The following NEBL variants were observed in gnomAD, a reference collection of about 807,000 sequenced individuals.
NEBL encodes nebulette.
NEBL carries 122 observed loss-of-function variants against 140.2 expected under a neutral mutation model. The ratio of observed to expected loss-of-function variants is 0.87; its 90% CI spans 0.75 to 1.01. NEBL has a LOEUF of 1.01. Among genes scored for constraint, NEBL ranks in the 50% least tolerant of loss-of-function variants. The pLI is 0.00. For synonymous variants in NEBL, 436 were observed against 398.9 expected (o/e 1.09, Z -1.11); for missense variants, 1,365 against 1,231.3 (o/e 1.11, Z -1.62).
chr10:21,106,654 A>G (rs941348187), intron 2 of NEBL, among the ~76,000 whole-genome samples: 3 of 152,070 alleles, frequency 2.0e-5, no homozygotes, highest in Non-Finnish European at 2.9e-5. Context: ...GCTTAGGATT[A>G]TCTTGGCTAT....
At chr10:20,835,704 T>C in intron 13 of NEBL, 81 bp from the exon 14 acceptor site, 5 of 942,272 alleles carry the variant, frequency 5.3e-6, no homozygotes, top group Admixed American at 3.4e-5. Context: ...AAAAAAAAAA[T>C]AGTTAGACAT....
Position 20,815,812 on chromosome 10 carries a change from AG to A in NEBL, c.2149-96del. On this transcript the variant is annotated intron_variant, in intron 21 of 27. Coordinates refer to ENST00000377122, the MANE Select transcript of NEBL (RefSeq NM_006393.3). ...AAGACAGGGTCTTGCTCTGTCACCC[AG>A]GCTGAAGTGCAGTGGTACAATCTTT... 3.4e-6 allele frequency: 3 copies of A among 888,978 alleles called. No homozygotes were observed. In the South Asian group the frequency reaches 4.1e-5, roughly 12 times the overall value. 55.1% of individuals were successfully genotyped at this position (888,978 alleles called of 1,614,324 possible).
At chr10:20,964,850 TTCC>T (rs1333461609) in intron 3 of NEBL, among the ~76,000 whole-genome samples, 1 of 152,164 alleles carries the variant, frequency 6.6e-6, no homozygotes, top group Non-Finnish European at 1.5e-5. Context: ...AATTTAACTC[TTCC>T]AAAAGCCAGA....
chr10:21,137,013 A>T (rs1340198893), intron 2 of NEBL, among the ~76,000 whole-genome samples: 1 of 152,152 alleles, frequency 6.6e-6, no homozygotes, highest in East Asian at 1.9e-4. Flanking sequence ...GCATTTTCTT[A>T]ATTTGGCAAG....
chr10:20,805,973 TA>T (rs1837580818), intron 26 of NEBL, among the ~76,000 whole-genome samples: 2 of 152,012 alleles, frequency 1.3e-5, no homozygotes, highest in Non-Finnish European at 2.9e-5. Flanking sequence ...TAAAAAAAAA[TA>T]TGATTATTCC....
At chr10:21,223,709 TG>T (rs1457204398) in intron 3 of NEBL, among the ~76,000 whole-genome samples, 1 of 152,188 alleles carries the variant, frequency 6.6e-6, no homozygotes, top group Admixed American at 6.5e-5. Flanking sequence ...CACCAGCACT[TG>T]TTATTGCCTG....
At chr10:20,852,046 G>A (rs1301430731) in intron 10 of NEBL, among the ~76,000 whole-genome samples, 2 of 151,932 alleles carry the variant, frequency 1.3e-5, no homozygotes, top group Non-Finnish European at 2.9e-5. Flanking sequence ...GTATGCTAGA[G>A]AGAAGATATT....
chr10:21,157,857 G>C (rs897025886), intron 2 of NEBL, among the ~76,000 whole-genome samples: 1 of 152,246 alleles, frequency 6.6e-6, no homozygotes, highest in African/African-American at 2.4e-5. Context: ...ATACAAGATG[G>C]CTGGTGTCCT....
intron 4 of NEBL, among the ~76,000 whole-genome samples, chr10:20,959,335 T>G (rs938393723): frequency 6.6e-6 from 1 of 152,152 alleles, no homozygotes; most frequent in Non-Finnish European, 1.5e-5. Flanking sequence ...GCCGGAAGAT[T>G]CTGGGGTCTT....
chr10:21,009,178 G>T (rs1249127932), intron 3 of NEBL, among the ~76,000 whole-genome samples: 1 of 152,100 alleles, frequency 6.6e-6, no homozygotes, highest in Non-Finnish European at 1.5e-5. Context: ...GTTTTTAAAA[G>T]AATCAGTATT....
At chr10:21,259,068 A>G (rs1020388473) in intron 1 of NEBL, among the ~76,000 whole-genome samples, 8 of 144,278 alleles carry the variant, frequency 5.5e-5, no homozygotes, top group Admixed American at 3.4e-4. Context: ...AAAGACGCAC[A>G]GTCTTTTTTT....
At chr10:20,990,485 A>G (rs1411393948) in intron 3 of NEBL, among the ~76,000 whole-genome samples, 1 of 152,214 alleles carries the variant, frequency 6.6e-6, no homozygotes, top group East Asian at 1.9e-4. Flanking sequence ...GAAGACAGCC[A>G]TCTGCAAACC....
At chr10:20,983,309 C>T (rs187879491) in intron 3 of NEBL, among the ~76,000 whole-genome samples, 127 of 152,262 alleles carry the variant, frequency 8.3e-4, no homozygotes, top group Admixed American at 5.4e-3. Context: ...TAATAATCAC[C>T]AAATACACAT....
At chr10:21,114,269 C>T (rs1033376215) in intron 2 of NEBL, among the ~76,000 whole-genome samples, 1 of 151,924 alleles carries the variant, frequency 6.6e-6, no homozygotes, top group Non-Finnish European at 1.5e-5. Context: ...AATTTAATCC[C>T]ACTGTGGTCA....
intron 2 of NEBL, among the ~76,000 whole-genome samples, chr10:21,063,250 G>A (rs1007049164): frequency 1.3e-5 from 2 of 152,086 alleles, no homozygotes; most frequent in Admixed American, 6.5e-5. Context: ...GACCTCCCTA[G>A]AGGCCCACGT....
At chr10:21,142,032 C>G (rs763470657) in intron 2 of NEBL, among the ~76,000 whole-genome samples, 14 of 152,052 alleles carry the variant, frequency 9.2e-5, no homozygotes, top group African/African-American at 3.4e-4. Flanking sequence ...CCAGCCTGGC[C>G]GGGATTAAAG....
At chr10:21,188,020 GC>G (rs1294844714) in intron 3 of NEBL, among the ~76,000 whole-genome samples, 6 of 152,032 alleles carry the variant, frequency 3.9e-5, no homozygotes, top group Admixed American at 6.6e-5. Context: ...TCTTCACGGA[GC>G]CTTCATCAAT....
intron 3 of NEBL, among the ~76,000 whole-genome samples, chr10:20,973,116 T>C (rs1364686541): frequency 6.6e-6 from 1 of 152,188 alleles, no homozygotes; most frequent in Non-Finnish European, 1.5e-5. Context: ...TGGAATGTTG[T>C]CTCCCTGCTA....
chr10:21,230,837 T>A (rs1842239698), intron 3 of NEBL, among the ~76,000 whole-genome samples: 1 of 152,100 alleles, frequency 6.6e-6, no homozygotes, highest in Admixed American at 6.6e-5. Flanking sequence ...ACTCCTGGGA[T>A]CAAGTGATCC....
Sources: gnomAD v4.1 joint callset for allele counts (sites outside exome capture counted in the v4.1 genomes callset) on GRCh38, gnomAD v4.1.1 for gene constraint, MANE v1.5 for transcripts, NCBI Gene and HGNC (gene_info 2026-07-23, HGNC 2026-07-21) for gene names.